DNAH5: variants seen among roughly 807,000 people sequenced by gnomAD.
DNAH5 encodes axonemal beta dynein heavy chain 5.
A neutral mutation model predicts 518.2 loss-of-function variants in DNAH5; 372 were observed. The observed-to-expected ratio is 0.72, with a 90% CI of 0.66 to 0.78. The LOEUF (loss-of-function observed/expected upper bound fraction) is 0.78. DNAH5 is among the 30% of genes least tolerant of loss of function. The pLI, the probability that DNAH5 is intolerant of heterozygous loss-of-function variation, is 0.00. For missense variants in DNAH5, 5,523 were observed against 5,687.0 expected (o/e 0.97, Z 0.93); for synonymous variants, 2,039 against 2,025.9 (o/e 1.01, Z -0.17).
chr5:13,928,224 G>C, intron 2 of DNAH5, 46 bp from the exon 3 acceptor site: 1 of 1,429,092 alleles, frequency 7.0e-7, no homozygotes, highest in Non-Finnish European at 9.9e-7. Context: ...ATCCAAATTA[G>C]AAACTGCAAT....
At chr5:13,984,196 T>A (rs1299854389) in intron 1 of DNAH5, among the ~76,000 whole-genome samples, 2 of 152,204 alleles carry the variant, frequency 1.3e-5, no homozygotes, top group Non-Finnish European at 2.9e-5. Context: ...CGCCTCTAAC[T>A]GCTCAAAAAA....
chr5:13,887,608 T>C (rs1343449560), intron 17 of DNAH5, among the ~76,000 whole-genome samples: 1 of 152,158 alleles, frequency 6.6e-6, no homozygotes, highest in Non-Finnish European at 1.5e-5. Context: ...CATTTCCTCA[T>C]TCCCATGATG....
intron 31 of DNAH5, 27 bp from the exon 32 acceptor site, chr5:13,845,020 T>C: frequency 6.5e-7 from 1 of 1,546,640 alleles, no homozygotes; most frequent in Non-Finnish European, 8.8e-7. Flanking sequence ...AACATAAACC[T>C]TTATAACCAC....
chr5:13,990,942 T>C (rs1007322559), intron 1 of DNAH5, among the ~76,000 whole-genome samples: 4 of 152,216 alleles, frequency 2.6e-5, no homozygotes, highest in African/African-American at 9.6e-5. Context: ...ATAAATTAAC[T>C]GCACAGAGCC....
intron 24 of DNAH5, 78 bp downstream of exon 24, chr5:13,870,689 C>T: frequency 7.7e-7 from 1 of 1,298,002 alleles, no homozygotes; most frequent in Non-Finnish European, 1.1e-6. Context: ...AACTTCACTC[C>T]AGACCCAGTC....
At chr5:13,999,542 T>C (rs1198079965) in intron 1 of DNAH5, among the ~76,000 whole-genome samples, 1 of 152,246 alleles carries the variant, frequency 6.6e-6, no homozygotes, top group African/African-American at 2.4e-5. Flanking sequence ...TAAAACTGAA[T>C]AGTATTCCAC....
At chr5:13,779,097 G>A (rs1465518689) in intron 53 of DNAH5, among the ~76,000 whole-genome samples, 4 of 152,180 alleles carry the variant, frequency 2.6e-5, no homozygotes, top group Non-Finnish European at 4.4e-5. Context: ...ACTAACTCAC[G>A]AGGTTTTTTT....
In DNAH5 at chr5:13,862,758, G is replaced by T; in HGVS notation, c.4597-11C>A. 1 of 1,608,048 alleles carries T rather than the reference G, an allele frequency of 6.2e-7. No homozygotes were observed. On this transcript the variant is annotated splice_polypyrimidine_tract_variant and intron_variant, in intron 28 of 78. Coordinates refer to ENST00000265104, the MANE Select transcript of DNAH5 (RefSeq NM_001369.3). ...ACTGATACAGATGTCCTATCAAAAT[G>T]GCAAGCTCTCATGTTATTGCATGAA... is the stretch of plus-strand genomic sequence containing the variant.
At chr5:13,782,480 C>T (rs1324525928) in intron 52 of DNAH5, among the ~76,000 whole-genome samples, 1 of 152,088 alleles carries the variant, frequency 6.6e-6, no homozygotes, top group Non-Finnish European at 1.5e-5. Context: ...ATGTGGTTCT[C>T]GCCAAAGTCA....
At chr5:14,008,289 A>AACGAGGGAGGGAGGGAAGGAGGAGGGG (rs1784870663) in intron 1 of DNAH5, among the ~76,000 whole-genome samples, 1 of 151,258 alleles carries the variant, frequency 6.6e-6, no homozygotes. Context: ...AAGAGGAAGA[A>AACGAGGGAGGGAGGGAAGGAGGAGGGG]ATGAGGGAGA....
chr5:13,697,801 T>C lies in DNAH5; in HGVS notation c.13723+2839A>G, dbSNP rs775683981. Among the ~76,000 whole-genome samples, 68 of 152,208 alleles carry C rather than the reference T, an allele frequency of 4.5e-4. 1 individual carries two copies. The highest frequency in any genetic ancestry group is 1.9e-4 in the Non-Finnish European group (13 of 68,036). ...CACCTCATGACTTTCCACTCTTGCCTCTGTTCCAGGATATTAGCATAGCCT... is the reference window on the plus strand; with the variant it reads ...CACCTCATGACTTTCCACTCTTGCCCCTGTTCCAGGATATTAGCATAGCCT... On this transcript the variant is annotated intron_variant, in intron 78 of 78. Coordinates refer to ENST00000265104, the MANE Select transcript of DNAH5 (RefSeq NM_001369.3).
At chr5:13,869,978 G>C (rs1769836786) in intron 24 of DNAH5, among the ~76,000 whole-genome samples, 1 of 151,888 alleles carries the variant, frequency 6.6e-6, no homozygotes, top group African/African-American at 2.4e-5. Context: ...TTTTGCCATT[G>C]CTTAAATTAC....
chr5:13,923,237 G>C (rs1777495498), intron 4 of DNAH5, 43 bp downstream of exon 4: 1 of 1,611,060 alleles, frequency 6.2e-7, no homozygotes, highest in African/African-American at 1.3e-5. Context: ...CAAGTTGTGT[G>C]TTTTTTGGTA....
intron 52 of DNAH5, among the ~76,000 whole-genome samples, chr5:13,784,679 C>G (rs1300219703): frequency 6.6e-6 from 1 of 152,138 alleles, no homozygotes; most frequent in Non-Finnish European, 1.5e-5. Context: ...TGGTTCCTCA[C>G]GGTGGAACCT....
chr5:13,954,109 T>C (rs1204394769), intron 1 of DNAH5, among the ~76,000 whole-genome samples: 1 of 152,264 alleles, frequency 6.6e-6, no homozygotes, highest in East Asian at 1.9e-4. Context: ...GTCCATATTT[T>C]AGGTGTGATT....
intron 78 of DNAH5, among the ~76,000 whole-genome samples, chr5:13,696,783 C>A (rs1741451565): frequency 6.6e-6 from 1 of 152,082 alleles, no homozygotes; most frequent in South Asian, 2.1e-4. Context: ...TTTGGCAAAC[C>A]AAGTTTCCAC....
chr5:13,859,822 G>C (rs548778860), intron 29 of DNAH5, among the ~76,000 whole-genome samples: 1 of 152,234 alleles, frequency 6.6e-6, no homozygotes, highest in South Asian at 2.1e-4. Context: ...GCATAGAGAA[G>C]GGTGGGAGAT....
At chr5:13,859,749 A>T in intron 29 of DNAH5, 144 bp from the exon 30 acceptor site, 1 of 759,738 alleles carries the variant, frequency 1.3e-6, no homozygotes, top group Non-Finnish European at 2.2e-6. Context: ...GATGCAACCA[A>T]GTGATTAATT....
intron 61 of DNAH5, among the ~76,000 whole-genome samples, chr5:13,757,227 T>C (rs897531211): frequency 6.6e-6 from 1 of 152,196 alleles, no homozygotes; most frequent in Non-Finnish European, 1.5e-5. Flanking sequence ...TATCAAGTAA[T>C]GGGATTGCTG....
Sources: allele counts gnomAD v4.1 joint callset (sites outside exome capture counted in the v4.1 genomes callset), GRCh38; gene constraint gnomAD v4.1.1; transcripts MANE v1.5; gene names NCBI Gene and HGNC (gene_info 2026-07-23, HGNC 2026-07-21).